Variants in PRKCA observed in about 807,000 individuals in gnomAD.
PRKCA encodes protein kinase C alpha.
Under a neutral mutation model 87.0 loss-of-function variants are expected in PRKCA, and 27 were observed. The ratio of observed to expected loss-of-function variants is 0.31; its 90% CI spans 0.23 to 0.43. PRKCA has a LOEUF of 0.43. Among genes scored for constraint, PRKCA ranks in the 20% least tolerant of loss-of-function variants. The pLI, the probability that PRKCA is intolerant of heterozygous loss-of-function variation, is 1.00. For missense variants in PRKCA, 518 were observed against 852.3 expected, an observed-to-expected ratio of 0.61 and a Z score of 4.88; for synonymous variants, 329 against 311.1, an observed-to-expected ratio of 1.06 and a Z score of -0.61.
At chr17:66,579,781 G>A (rs1969362320) in intron 3 of PRKCA, among the ~76,000 whole-genome samples, 1 of 152,168 alleles carries the variant, frequency 6.6e-6, no homozygotes, top group South Asian at 2.1e-4. Context: ...ATGAAATTTG[G>A]ATTTTTATGT....
rs1282284054 is a variant in PRKCA, at chr17:66,302,652, GGCTCCC to G, written c.-188_-183del. 1.7e-5 allele frequency: 3 copies of G among 178,674 alleles called. No homozygotes were observed. The highest frequency in any genetic ancestry group is 4.8e-5 in the African/African-American group (2 of 41,288). The allele number at this position is 178,674 out of a possible 1,614,324, so 11.1% of individuals were successfully genotyped here. On this transcript the variant is annotated 5_prime_UTR_variant, in exon 1 of 17. Coordinates refer to ENST00000413366, the MANE Select transcript of PRKCA (RefSeq NM_002737.3). ...GGCCAGCGGGCGAGCCAGCGGCTCC[GGCTCCC>G]GCTCCCGCTCCGCGCAGCACCAGCC...
intron 8 of PRKCA, among the ~76,000 whole-genome samples, chr17:66,723,341 G>A (rs928916959): frequency 1.3e-5 from 2 of 152,214 alleles, no homozygotes; most frequent in Non-Finnish European, 2.9e-5. Flanking sequence ...AAGAAGACCA[G>A]AGTAATGTTG....
chr17:66,719,642 C>G (rs1299020517), intron 8 of PRKCA, among the ~76,000 whole-genome samples: 1 of 152,194 alleles, frequency 6.6e-6, no homozygotes, highest in Non-Finnish European at 1.5e-5. Context: ...TGACATGTTC[C>G]TGTAATCCCA....
At chr17:66,584,479 G>C (rs371262702) in intron 3 of PRKCA, among the ~76,000 whole-genome samples, 2 of 152,118 alleles carry the variant, frequency 1.3e-5, no homozygotes, top group Non-Finnish European at 2.9e-5. Context: ...GCCTGCCTTG[G>C]CCTCCCAAAG....
chr17:66,412,355 C>T (rs1379397899), intron 2 of PRKCA, among the ~76,000 whole-genome samples: 1 of 152,190 alleles, frequency 6.6e-6, no homozygotes, highest in South Asian at 2.1e-4. Flanking sequence ...CTGCACCTGG[C>T]CTATTTTTAA....
chr17:66,302,842 G>GT lies in PRKCA; in HGVS notation c.-10_-9insT, dbSNP rs3833857. On this transcript the variant is annotated 5_prime_UTR_variant, in exon 1 of 17. Transcript: ENST00000413366. ...TCCCCGGCGGAGGCAAGAGGTGGTT[G>GT]GGGGGGACCATGGCTGACGTTTTCC... 2 of 1,528,450 alleles carry GT rather than the reference G, an allele frequency of 1.3e-6. No individual in the cohort carries two copies. The highest frequency in any genetic ancestry group is 2.5e-5 in the East Asian group (1 of 39,560). 94.7% of individuals were successfully genotyped at this position (1,528,450 alleles called of 1,614,324 possible). A position where few individuals can be genotyped will look rare whatever the true frequency, so the allele number is the denominator to read the frequency against.
chr17:66,320,636 C>A (rs574399408), intron 2 of PRKCA, among the ~76,000 whole-genome samples: 52 of 152,246 alleles, frequency 3.4e-4, no homozygotes, highest in African/African-American at 1.2e-3. Context: ...GATGAGAATT[C>A]ATGGGCAAGG....
At chr17:66,340,292 T>C (rs1456793837) in intron 2 of PRKCA, among the ~76,000 whole-genome samples, 4 of 151,946 alleles carry the variant, frequency 2.6e-5, no homozygotes, top group African/African-American at 9.7e-5. Flanking sequence ...AGGAACTAGG[T>C]TTTGGGTGGA....
At chr17:66,413,623 A>G (rs550857958) in intron 2 of PRKCA, among the ~76,000 whole-genome samples, 1 of 152,300 alleles carries the variant, frequency 6.6e-6, no homozygotes, top group East Asian at 1.9e-4. Flanking sequence ...ATTACCCAAC[A>G]GATTCCAAAA....
At chr17:66,545,890 A>G (rs181319870) in intron 3 of PRKCA, among the ~76,000 whole-genome samples, 1 of 152,322 alleles carries the variant, frequency 6.6e-6, no homozygotes, top group African/African-American at 2.4e-5. Flanking sequence ...AGTAAATTAG[A>G]TTTTGTATGA....
intron 3 of PRKCA, among the ~76,000 whole-genome samples, chr17:66,542,635 A>G (rs9898555): frequency 0.02 from 3,020 of 152,228 alleles, 92 homozygotes; most frequent in African/African-American, 0.068. Context: ...TCAGAGACTG[A>G]TAGTCGGAAG....
At chr17:66,382,955 C>T (rs1335614757) in intron 2 of PRKCA, among the ~76,000 whole-genome samples, 1 of 125,722 alleles carries the variant, frequency 8.0e-6, no homozygotes, top group Non-Finnish European at 1.7e-5. Context: ...CCCCTAATTG[C>T]GTTATGATGG....
At chr17:66,385,156 AG>A (rs1226496909) in intron 2 of PRKCA, among the ~76,000 whole-genome samples, 2 of 152,214 alleles carry the variant, frequency 1.3e-5, no homozygotes, top group Non-Finnish European at 2.9e-5. Context: ...GGTCCCTGGC[AG>A]GCACTGTGTG....
chr17:66,540,255 C>T (rs949821246), intron 3 of PRKCA, among the ~76,000 whole-genome samples: 3 of 152,230 alleles, frequency 2.0e-5, no homozygotes, highest in African/African-American at 7.2e-5. Context: ...TTCCAGCCGT[C>T]AGAGCCAGCC....
At chr17:66,569,342 C>T (rs1026333637) in intron 3 of PRKCA, among the ~76,000 whole-genome samples, 8 of 142,972 alleles carry the variant, frequency 5.6e-5, no homozygotes, top group African/African-American at 1.7e-4. Context: ...CCGAGGCAGG[C>T]GGGGATCGCC....
chr17:66,478,173 C>T (rs1171429934), intron 2 of PRKCA, among the ~76,000 whole-genome samples: 1 of 152,162 alleles, frequency 6.6e-6, no homozygotes, highest in African/African-American at 2.4e-5. Context: ...TTTTCATCAG[C>T]TGTTCACATG....
chr17:66,640,301 T>C (rs1320640654), intron 3 of PRKCA, among the ~76,000 whole-genome samples: 4 of 152,138 alleles, frequency 2.6e-5, no homozygotes, highest in Non-Finnish European at 5.9e-5. Context: ...TTAACCACGA[T>C]GGTCTTCTGT....
At chr17:66,537,428 G>A (rs1030849823) in intron 3 of PRKCA, among the ~76,000 whole-genome samples, 1 of 152,288 alleles carries the variant, frequency 6.6e-6, no homozygotes, top group East Asian at 1.9e-4. Flanking sequence ...ATTGTTAAAC[G>A]CCAAGTGTTC....
At chr17:66,657,822 C>A (rs1197803427) in intron 5 of PRKCA, among the ~76,000 whole-genome samples, 1 of 152,154 alleles carries the variant, frequency 6.6e-6, no homozygotes, top group Admixed American at 6.5e-5. Flanking sequence ...ATCCTTAAAA[C>A]TTCTGGCTTC....
Sources: gnomAD v4.1 joint callset for allele counts (sites outside exome capture counted in the v4.1 genomes callset) on GRCh38, gnomAD v4.1.1 for gene constraint, MANE v1.5 for transcripts, NCBI Gene and HGNC (gene_info 2026-07-23, HGNC 2026-07-21) for gene names.